The following GGCX variants were observed in gnomAD, a reference collection of about 807,000 sequenced individuals.
GGCX encodes vitamin K-dependent gamma-carboxylase.
In GGCX, 63 loss-of-function variants were observed where a neutral mutation model predicts 88.5. The ratio of observed to expected loss-of-function variants is 0.71; its 90% CI spans 0.58 to 0.88. The LOEUF (loss-of-function observed/expected upper bound fraction) is 0.88. Ranked by LOEUF, GGCX falls within the 40% of genes least tolerant of loss-of-function variation. The pLI is 0.00. For missense variants in GGCX, 805 were observed against 932.9 expected (o/e 0.86, Z 1.79); for synonymous variants, 368 against 365.8 (o/e 1.01, Z -0.07).
chr2:85,561,288 C>A lies in GGCX; in HGVS notation c.43+98G>T, dbSNP rs75979607. On this transcript the variant is annotated intron_variant, in intron 1 of 14. Coordinates refer to ENST00000233838, the MANE Select transcript of GGCX (RefSeq NM_000821.7). ...CCCTTCCCCACAGAGGACCCCCCCC[C>A]CGCCTCACCGGGAGACACTGGGCGT... The A allele has an allele frequency of 1.3e-4, 85 of 669,666 alleles. 3 individuals carry two copies. Among genetic ancestry groups the A allele is most frequent in the Middle Eastern group, 4.1e-4 (1 of 2,432 alleles). The allele number at this position is 669,666 out of a possible 1,614,324, so 41.5% of individuals were successfully genotyped here.
rs1237507923 is a variant in GGCX at position 85,561,453 on chromosome 2, T to C, written c.-25A>G. ...TTGCTCTGCGGAGGAGGCAGGTGGG[T>C]CACAGCTGCCGCGTCTGAACGGAGG... On this transcript the variant is annotated 5_prime_UTR_variant, in exon 1 of 15. Transcript: ENST00000233838. 1 of 1,547,320 alleles carries C rather than the reference T, an allele frequency of 6.5e-7. No homozygotes were observed. The highest frequency in any genetic ancestry group is 1.2e-5 in the South Asian group (1 of 84,908).
At chr2:85,559,719 A>AAAAGAAAG (rs61544460) in intron 2 of GGCX, among the ~76,000 whole-genome samples, 82 of 151,172 alleles carry the variant, frequency 5.4e-4, no homozygotes, top group African/African-American at 1.8e-3. Context: ...CCGTCTCAAA[A>AAAAGAAAG]AAAGAAAGAA....
intron 12 of GGCX, 151 bp from the exon 13 acceptor site, chr2:85,551,223 C>G: frequency 1.2e-6 from 1 of 837,828 alleles, no homozygotes; most frequent in South Asian, 1.4e-5. Context: ...AGGCTCTTCA[C>G]AGTCCCAGGG....
chr2:85,553,794 T>A, intron 7 of GGCX: 1 of 464,276 alleles, frequency 2.2e-6, no homozygotes, highest in South Asian at 2.1e-5. Flanking sequence ...AGAGACGGGG[T>A]TTCACCATGT....
Position 85,546,012 on chromosome 2 carries a change from G to C in GGCX, c.*3922C>G, listed in dbSNP as rs910760515. ...CTAGGAGCTACATGCATAGAGAATA[G>C]CCACTTGGATTACATTTCTACCAAC... On this transcript the variant is annotated 3_prime_UTR_variant, in exon 15 of 15. Coordinates refer to ENST00000233838, the MANE Select transcript of GGCX (RefSeq NM_000821.7). 6.6e-6 allele frequency: 1 copy of C among 152,232 alleles called. No homozygotes were observed. Among genetic ancestry groups the C allele is most frequent in the African/African-American group, 2.4e-5 (1 of 41,462 alleles). 9.4% of individuals were successfully genotyped at this position (152,232 alleles called of 1,614,324 possible).
At chr2:85,558,215 G>A (rs1692284243) in intron 4 of GGCX, among the ~76,000 whole-genome samples, 1 of 152,204 alleles carries the variant, frequency 6.6e-6, no homozygotes, top group Non-Finnish European at 1.5e-5. Context: ...CACCTGGGGA[G>A]ATAGGGAAAG....
chr2:85,558,902 C>G lies in GGCX; in HGVS notation c.373+15G>C. 1 of 1,611,774 alleles carries G rather than the reference C, an allele frequency of 6.2e-7. No homozygotes were observed. The highest frequency in any genetic ancestry group is 8.5e-7 in the Non-Finnish European group (1 of 1,177,876). On this transcript the variant is annotated intron_variant, in intron 3 of 14. Transcript: ENST00000233838. ...TTCTGGCAGGCCAGTCAATATTTCC[C>G]ACAGTTCCCCTCACCCAGAAACATG...
rs894175630 is a variant in GGCX at position 85,550,027 on chromosome 2, A to C, written c.2184T>G (p.Phe728Leu). The change falls in exon 15 of 15, where the codon TTT becomes TTG. Residue 728 changes from phenylalanine to leucine, a missense_variant. Coordinates refer to ENST00000233838, the MANE Select transcript of GGCX (RefSeq NM_000821.7). ...QEVTYANLRP[F>L]EAVGELNPSN... ...AGGGATTCAGTTCTCCAACTGCCTC[A>C]AAGGGTCTCAAGTTTGCATAAGTCA... 1 of 1,612,528 alleles carries C rather than the reference A, an allele frequency of 6.2e-7. No homozygotes were observed. The highest frequency in any genetic ancestry group is 1.3e-5 in the African/African-American group (1 of 74,832).
rs886056367 is a variant in GGCX, at chr2:85,547,630, A to G, written c.*2304T>C. On this transcript the variant is annotated 3_prime_UTR_variant, in exon 15 of 15. Transcript: ENST00000233838. The stretch of plus-strand genomic sequence containing the variant: ...ACAACATAGTGGCAAAGTATCTTCT[A>G]TTGTGTTACTATGAGAGAAGATCTG... 1.3e-5 allele frequency: 2 copies of G among 152,226 alleles called. No homozygotes were observed. Among genetic ancestry groups the G allele is most frequent in the South Asian group, 4.1e-4 (2 of 4,836 alleles). 9.4% of individuals were successfully genotyped at this position (152,226 alleles called of 1,614,324 possible).
Position 85,553,413 on chromosome 2 carries a change from C to T in GGCX, c.974G>A (p.Arg325Gln), listed in dbSNP as rs699664. 530,539 of 1,613,492 alleles carry T rather than the reference C, an allele frequency of 0.33. 92,245 individuals are homozygous for T. Among genetic ancestry groups the T allele is most frequent in the African/African-American group, 0.62 (46,777 of 74,990 alleles). The change falls in exon 8 of 15, where the codon CGA becomes CAA. Residue 325 changes from arginine to glutamine, a missense_variant. Arg to Gln is a conservative substitution (Grantham distance 43). Transcript: ENST00000233838. ...WPRKLVSYCP[R>Q]RLQQLLPLKA... is the part of the protein sequence containing the mutation. ...GAGGGGCAACAGTTGTTGCAACCTT[C>T]GGGGGCAGTAGGACACCAGCTTCCG...
At chr2:85,556,281 A>G in intron 4 of GGCX, 21 bp from the exon 5 acceptor site, 1 of 1,505,304 alleles carries the variant, frequency 6.6e-7, no homozygotes, top group Middle Eastern at 1.7e-4. Flanking sequence ...GGAGGTAAAC[A>G]TTGAGGGGGG....
At position 85,552,640 on chromosome 2, in the gene GGCX, CACA is replaced by C. The variant is rs1424485800; in HGVS notation, c.1288-76_1288-74del. 92 of 1,392,890 alleles carry C rather than the reference CACA, an allele frequency of 6.6e-5. 1 individual carries two copies. In the South Asian group the frequency reaches 8.8e-4, roughly 13 times the overall value. The allele number at this position is 1,392,890 out of a possible 1,614,324, so 86.3% of individuals were successfully genotyped here. The stretch of plus-strand genomic sequence containing the variant: ...AAGACATGTCATGCACTGCCAATGG[CACA>C]ACGAGATCCCTGCCTGCTGCCCATT... On this transcript the variant is annotated intron_variant, in intron 9 of 14. Coordinates refer to ENST00000233838, the MANE Select transcript of GGCX (RefSeq NM_000821.7).
chr2:85,551,636 C>CCCACCCCA, intron 11 of GGCX, 26 bp from the exon 12 acceptor site: 1 of 1,612,416 alleles, frequency 6.2e-7, no homozygotes, highest in Non-Finnish European at 8.5e-7. Context: ...AGTTCATCAT[C>CCCACCCCA]CCACCCCATG....
Position 85,553,287 on chromosome 2 carries a change from G to T in GGCX, c.1100C>A (p.Thr367Asn). 1.2e-6 allele frequency: 2 copies of T among 1,614,268 alleles called. No homozygotes were observed. The highest frequency in any genetic ancestry group is 1.7e-6 in the Non-Finnish European group (2 of 1,180,026). Residue 367 changes from threonine to asparagine, a missense_variant, in exon 8 of 15, where the codon ACC becomes AAC. Thr to Asn is a moderately conservative substitution (Grantham distance 65). Transcript: ENST00000233838. ...TAGCTGCTCCAGGAGGTAGAGCAGG[G>T]TGAAGGCAGCTCCCAGCTGATGGCG... ...GLRHQLGAAF[T>N]LLYLLEQLFL... is the part of the protein sequence containing the mutation.
chr2:85,550,316 C>T (rs1304575756), intron 14 of GGCX, among the ~76,000 whole-genome samples, 190 bp from the exon 15 acceptor site: 2 of 152,074 alleles, frequency 1.3e-5, no homozygotes, highest in Non-Finnish European at 2.9e-5. Flanking sequence ...TAGAGGATTC[C>T]AGGATAGGGT....
intron 7 of GGCX, 100 bp from the exon 8 acceptor site, chr2:85,553,597 A>G: frequency 8.5e-7 from 1 of 1,179,832 alleles, no homozygotes; most frequent in African/African-American, 1.5e-5. Context: ...ACTGAAAAGG[A>G]AAGTAGTTCT....
In GGCX at chr2:85,561,488, G is replaced by A. The variant is rs1247517926; in HGVS notation, c.-60C>T. ...CGCGTCTGAACGGAGGCCGCCAGGA[G>A]AATTTGCTTCCCTAGGCTCCGCCTC... On this transcript the variant is annotated 5_prime_UTR_variant, in exon 1 of 15. Coordinates refer to ENST00000233838, the MANE Select transcript of GGCX (RefSeq NM_000821.7). 2.3e-5 allele frequency: 30 copies of A among 1,293,942 alleles called. No homozygotes were observed. Among genetic ancestry groups the A allele is most frequent in the Non-Finnish European group, 2.8e-5 (26 of 917,382 alleles). The allele number at this position is 1,293,942 out of a possible 1,614,324, so 80.2% of individuals were successfully genotyped here.
intron 1 of GGCX, 21 bp downstream of exon 1, chr2:85,561,365 A>AGGGCGGGGTCCTAAGCCTACCTGAGCT: frequency 7.0e-7 from 1 of 1,432,120 alleles, no homozygotes; most frequent in Non-Finnish European, 9.4e-7. Flanking sequence ...TCTCCGCCGG[A>AGGGCGGGGTCCTAAGCCTACCTGAGCT]GGGCGGGGTC....
At chr2:85,550,497 G>C in intron 14 of GGCX, 58 bp downstream of exon 14, 1 of 1,290,878 alleles carries the variant, frequency 7.7e-7, no homozygotes, top group Non-Finnish European at 1.1e-6. Context: ...CTCCCCAGGG[G>C]AAAGTTACCA....
Sources: gnomAD v4.1 joint callset for allele counts (sites outside exome capture counted in the v4.1 genomes callset) on GRCh38, gnomAD v4.1.1 for gene constraint, MANE v1.5 for transcripts, NCBI Gene and HGNC (gene_info 2026-07-23, HGNC 2026-07-21) for gene names.